The following ABCA2 variants were observed in gnomAD, a reference collection of about 807,000 sequenced individuals.
ABCA2 encodes ATP-binding cassette sub-family A member 2.
In ABCA2, 84 loss-of-function variants were observed where a neutral mutation model predicts 262.8. That is an observed-to-expected ratio of 0.32 (90% CI 0.27 to 0.38). ABCA2 has a LOEUF of 0.38. ABCA2 is among the 10% of genes least tolerant of loss of function. ABCA2 has a pLI of 1.00. For synonymous variants in ABCA2, 1,696 were observed against 1,502.9 expected (o/e 1.13, Z -2.97); for missense variants, 2,662 against 3,405.9 (o/e 0.78, Z 5.44).
chr9:137,012,069 T>G (rs373403188), intron 34 of ABCA2, 33 bp downstream of exon 34: 2 of 1,612,428 alleles, frequency 1.2e-6, no homozygotes, highest in South Asian at 2.2e-5. Context: ...AGTGCCCACC[T>G]GCCCCACCTC....
chr9:137,010,493 C>G (rs971953278), intron 40 of ABCA2, 122 bp from the exon 41 acceptor site: 1 of 1,451,722 alleles, frequency 6.9e-7, no homozygotes, highest in Admixed American at 2.0e-5. Context: ...ACAGCCCCAC[C>G]CCATGCAGGC....
chr9:137,016,600 G>A lies in ABCA2; in HGVS notation c.2897C>T (p.Ala966Val), dbSNP rs1400432049. 6.2e-6 allele frequency: 10 copies of A among 1,612,018 alleles called. No homozygotes were observed. The highest frequency in any genetic ancestry group is 8.5e-6 in the Non-Finnish European group (10 of 1,179,928). Reference sequence around the variant, plus strand: ...AAAGCGCCGGCTCTCCATGGCACAGGCCTGGTCCTCCTCCATGACACTGAG... The same window carrying A: ...AAAGCGCCGGCTCTCCATGGCACAGACCTGGTCCTCCTCCATGACACTGAG... ...PRLSVMEEDQ[A>V]CAMESRRFEE... The change falls in exon 20 of 49, where the codon GCC (alanine) becomes GTC (valine). Residue 966 changes from alanine to valine, a missense_variant. By Grantham distance (64) the Ala-to-Val change is moderately conservative (BLOSUM62 0). This residue lies in a region of ABCA2 where 133 missense variants were observed against 150.8 expected (regional missense o/e 0.88). Transcript: ENST00000341511.
intron 17 of ABCA2, 44 bp downstream of exon 17, chr9:137,017,458 G>A (rs1427903406): frequency 1.9e-6 from 3 of 1,596,208 alleles, no homozygotes; most frequent in Non-Finnish European, 2.6e-6. Context: ...AGCTTGCTGG[G>A]CAAGTGCCTG....
At position 137,010,221 on chromosome 9, in the gene ABCA2, C is replaced by T. The variant is rs1830985371; in HGVS notation, c.6325G>A (p.Gly2109Arg). 5.6e-6 allele frequency: 9 copies of T among 1,605,428 alleles called. No individual in the cohort carries two copies. Among genetic ancestry groups the T allele is most frequent in the Non-Finnish European group, 7.6e-6 (9 of 1,178,402 alleles). Reference sequence around the variant, plus strand: ...TGTCCATTGACGAAGGCCTCGCCCCCCGTCGTGCTCTCGTCGCCGGTCAGC... The same window carrying T: ...TGTCCATTGACGAAGGCCTCGCCCCTCGTCGTGCTCTCGTCGCCGGTCAGC... The part of the protein sequence containing the change: ...KMLTGDESTT[G>R]GEAFVNGHSV... Residue 2109 changes from glycine to arginine, a missense_variant, in exon 41 of 49, where the codon GGG becomes AGG. Physicochemically the swap from Gly to Arg is moderately radical, Grantham distance 125 (BLOSUM62 -2). Coordinates refer to ENST00000341511, the MANE Select transcript of ABCA2 (RefSeq NM_001606.5).
In ABCA2 at chr9:137,021,246, G is replaced by A. The variant is rs1421444040; in HGVS notation, c.897+146C>T. The stretch of plus-strand genomic sequence containing the variant: ...GATGGTGAGCAGGAGTGGGGCACCA[G>A]CCATGGTGCCATTGGATACCCACCC... On this transcript the variant is annotated intron_variant, in intron 8 of 48. Transcript: ENST00000341511. The surrounding 1 kb of genome is among the most constrained non-coding windows in gnomAD (Gnocchi z 6.0). The A allele has an allele frequency of 2.4e-6, 3 of 1,255,584 alleles. No individual in the cohort carries two copies. Among genetic ancestry groups the A allele is most frequent in the African/African-American group, 3.0e-5 (2 of 66,678 alleles). 77.8% of individuals were successfully genotyped at this position (1,255,584 alleles called of 1,614,324 possible).
At chr9:137,008,181 C>T in intron 48 of ABCA2, 1 of 794,162 alleles carries the variant, frequency 1.3e-6, no homozygotes, top group Non-Finnish European at 2.1e-6. Context: ...CGGCTCTGGT[C>T]CCCTCTGCCC....
At position 137,007,924 on chromosome 9, in the gene ABCA2, G is replaced by A. The variant is rs1355627686; in HGVS notation, c.*5C>T. 1.9e-6 allele frequency: 3 copies of A among 1,605,694 alleles called. No individual in the cohort carries two copies. Among genetic ancestry groups the A allele is most frequent in the African/African-American group, 2.7e-5 (2 of 74,906 alleles). On this transcript the variant is annotated 3_prime_UTR_variant, in exon 49 of 49. Coordinates refer to ENST00000341511, the MANE Select transcript of ABCA2 (RefSeq NM_001606.5). ...GCGTGTCCTCCCTGGCCCAGCTCTG[G>A]GTGGTCAGCAGAGCGTGTCCGTGTT...
rs377112130 is a variant in ABCA2 at position 137,010,282 on chromosome 9, G to C, written c.6264C>G (p.Gly2088=). 3.1e-6 allele frequency: 5 copies of C among 1,595,164 alleles called. No homozygotes were observed. Among genetic ancestry groups the C allele is most frequent in the Non-Finnish European group, 4.3e-6 (5 of 1,172,008 alleles). ...TGCTGGTCTTGCCCGCACCGTTGAC[G>C]CCCAGGAGCCCGAAGCACTCGCCAG... The part of the protein sequence containing the change: ...VRPGECFGLL[G]VNGAGKTSTF... The change falls in exon 41 of 49, where the codon GGC becomes GGG. Residue 2088 remains glycine, a synonymous_variant. Coordinates refer to ENST00000341511, the MANE Select transcript of ABCA2 (RefSeq NM_001606.5).
At chr9:137,017,171 C>T (rs1831288745) in intron 18 of ABCA2, 25 bp downstream of exon 18, 1 of 1,611,718 alleles carries the variant, frequency 6.2e-7, no homozygotes, top group Non-Finnish European at 8.5e-7. Flanking sequence ...GGCACCCCAG[C>T]CGCCCGCCTG....
chr9:137,018,194 G>A lies in ABCA2; in HGVS notation c.1977C>T (p.Gly659=), dbSNP rs1198570711. Residue 659 remains glycine (G), a synonymous_variant, in exon 14 of 49, where the codon GGC becomes GGT. Coordinates refer to ENST00000341511, the MANE Select transcript of ABCA2 (RefSeq NM_001606.5). Reference sequence around the variant, plus strand: ...GCTCCTCACCCTGGATCCAGACGAAGCCGTAGAGGAAGTAGAAGCGGCCGC... The same window carrying A: ...GCTCCTCACCCTGGATCCAGACGAAACCGTAGAGGAAGTAGAAGCGGCCGC... ...NTGGRFYFLY[G]FVWIQDMMER... 4 of 1,611,926 alleles carry A rather than the reference G, an allele frequency of 2.5e-6. No individual in the cohort carries two copies. The highest frequency in any genetic ancestry group is 2.2e-5 in the East Asian group (1 of 44,752).
Position 137,011,569 on chromosome 9 carries a change from C to T in ABCA2, c.5652-15G>A, listed in dbSNP as rs374438654. ...TGATGGACCACCTGCGGGCAGGTGGCGGGCAGTGGTCACCAGGCAGCCCCG... is the reference window on the plus strand; with the variant it reads ...TGATGGACCACCTGCGGGCAGGTGGTGGGCAGTGGTCACCAGGCAGCCCCG... On this transcript the variant is annotated splice_polypyrimidine_tract_variant and intron_variant, in intron 36 of 48. Coordinates refer to ENST00000341511, the MANE Select transcript of ABCA2 (RefSeq NM_001606.5). This position sits in a 1 kb window ranked among gnomAD's most constrained non-coding sequence, Gnocchi z 8.8. 81 of 1,567,746 alleles carry T rather than the reference C, an allele frequency of 5.2e-5. No homozygotes were observed. Among genetic ancestry groups the T allele is most frequent in the Non-Finnish European group, 5.4e-5 (62 of 1,156,708 alleles).
chr9:137,026,380 C>T (rs1831654943), intron 1 of ABCA2, among the ~76,000 whole-genome samples: 1 of 152,206 alleles, frequency 6.6e-6, no homozygotes, highest in Non-Finnish European at 1.5e-5. Flanking sequence ...CCCAAGAGTC[C>T]AGCTCTGATG....
At position 137,011,779 on chromosome 9, in the gene ABCA2, C is replaced by A. The variant is rs189392748; in HGVS notation, c.5536-30G>T. ...AGGGGTGGGGGCGGCTGGTGAGAGA[C>A]CCGGGGCAGGGCGGGGATGGGGGAT... On this transcript the variant is annotated intron_variant, in intron 35 of 48. Transcript: ENST00000341511. This position sits in a 1 kb window ranked among gnomAD's most constrained non-coding sequence, Gnocchi z 8.8. 881 of 1,550,116 alleles carry A rather than the reference C, an allele frequency of 5.7e-4. 6 individuals are homozygous for A. The African/African-American group carries it at 0.01, about 18-fold the overall frequency.
Position 137,018,604 on chromosome 9 carries a change from G to C in ABCA2, c.1819+115C>G, listed in dbSNP as rs1383132653. The C allele has an allele frequency of 5.8e-6, 5 of 866,550 alleles. No individual in the cohort carries two copies. In the East Asian group the frequency reaches 8.2e-5, roughly 14 times the overall value. 53.7% of individuals were successfully genotyped at this position (866,550 alleles called of 1,614,324 possible). ...GGTGGGGAGGGGAAGTGGCGGGTGAGGGGGGAAGGCCAGGGCGCGGCCAAG... is the reference window on the plus strand; with the variant it reads ...GGTGGGGAGGGGAAGTGGCGGGTGACGGGGGAAGGCCAGGGCGCGGCCAAG... On this transcript the variant is annotated intron_variant, in intron 13 of 48. Transcript: ENST00000341511.
chr9:137,008,048 G>T, intron 48 of ABCA2, 84 bp from the exon 49 acceptor site: 1 of 1,519,528 alleles, frequency 6.6e-7, no homozygotes, highest in Non-Finnish European at 8.9e-7. Context: ...GCCCGCCCCG[G>T]CCCTCCTGCA....
Position 137,017,245 on chromosome 9 carries a change from C to T in ABCA2, c.2504G>A (p.Arg835Gln), listed in dbSNP as rs201546770. Residue 835 changes from arginine (R) to glutamine (Q), a missense_variant, in exon 18 of 49, where the codon CGA becomes CAA. Physicochemically the swap from Arg to Gln is conservative, Grantham distance 43. Around this residue, in one of 12 missense-constraint regions of ABCA2, gnomAD observed 188 missense variants for 343.4 expected, o/e 0.55. Transcript: ENST00000341511. ...SYVPYMYVAI[R>Q]EEVAHDKITA... ...GATCTTATCATGCGCCACCTCCTCT[C>T]GGATCGCCACGTACATGTAGGGCAC... 6.2e-6 allele frequency: 10 copies of T among 1,612,682 alleles called. No individual in the cohort carries two copies. The highest frequency in any genetic ancestry group is 1.3e-5 in the African/African-American group (1 of 75,038).
At position 137,013,204 on chromosome 9, in the gene ABCA2, G is replaced by C. The variant is rs762507713; in HGVS notation, c.4665C>G (p.Pro1555=). 2 of 1,601,138 alleles carry C rather than the reference G, an allele frequency of 1.2e-6. No individual in the cohort carries two copies. Among genetic ancestry groups the C allele is most frequent in the Middle Eastern group, 3.4e-4 (2 of 5,920 alleles). ...LKSPANGSLG[P]TLNLSSGESR... ...ACTCCCCGCTGCTCAGGTTCAACGTGGGCCCCAGCGAGCCGTTGGCGGGAG... is the reference window on the plus strand; with the variant it reads ...ACTCCCCGCTGCTCAGGTTCAACGTCGGCCCCAGCGAGCCGTTGGCGGGAG... The change falls in exon 30 of 49, where the codon CCC becomes CCG. Residue 1555 remains proline (P), a synonymous_variant. Transcript: ENST00000341511.
chr9:137,027,205 C>T (rs1346546442), intron 1 of ABCA2, among the ~76,000 whole-genome samples: 3 of 152,326 alleles, frequency 2.0e-5, no homozygotes, highest in East Asian at 1.9e-4. Flanking sequence ...GGGAGGTGTC[C>T]CTTCCCTTCC....
At position 137,022,468 on chromosome 9, in the gene ABCA2, G is replaced by A. The variant is rs1831505618; in HGVS notation, c.450C>T (p.Phe150=). 1 of 1,611,652 alleles carries A rather than the reference G, an allele frequency of 6.2e-7. No individual in the cohort carries two copies. The highest frequency in any genetic ancestry group is 1.1e-5 in the South Asian group (1 of 90,762). ...GGTTTCTGGCCACCGAGTCCAGAGAGAAGGAAGACACTGGACAGGCAGGAA... is the reference window on the plus strand; with the variant it reads ...GGTTTCTGGCCACCGAGTCCAGAGAAAAGGAAGACACTGGACAGGCAGGAA... ...SHLDRSTVSS[F]SLDSVARNPQ... The change falls in exon 6 of 49, where the codon TTC becomes TTT. Residue 150 remains phenylalanine, a synonymous_variant. Coordinates refer to ENST00000341511, the MANE Select transcript of ABCA2 (RefSeq NM_001606.5).
Sources: gnomAD v4.1 joint callset for allele counts (sites outside exome capture counted in the v4.1 genomes callset) on GRCh38, gnomAD v4.1.1 for gene constraint, gnomAD v4.1.1 regional missense constraint, Gnocchi (gnomAD v3.1) non-coding constraint, MANE v1.5 for transcripts, NCBI Gene and HGNC (gene_info 2026-07-23, HGNC 2026-07-21) for gene names.